Variants in PTPRR observed in about 807,000 individuals in gnomAD.
PTPRR encodes protein tyrosine phosphatase receptor type R.
A neutral mutation model predicts 77.2 loss-of-function variants in PTPRR; 38 were observed. The ratio of observed to expected loss-of-function variants is 0.49; its 90% CI spans 0.38 to 0.65. The LOEUF is 0.65. PTPRR is among the 30% of genes least tolerant of loss of function. The pLI is 0.00. For synonymous variants in PTPRR, 299 were observed against 283.1 expected (o/e 1.06, Z -0.57); for missense variants, 744 against 799.2 (o/e 0.93, Z 0.83).
In PTPRR at chr12:70,877,345, C is replaced by A. The variant is rs914584862; in HGVS notation, c.357+15334G>T. Among the ~76,000 whole-genome samples the A allele has an allele frequency of 2.0e-4, 31 of 152,148 alleles. 1 individual carries two copies. The highest frequency in any genetic ancestry group is 1.3e-4 in the Non-Finnish European group (9 of 68,036). ...GAGTAGATCAGCAACAGAATGAAAA[C>A]CCTGTCAATTATCATCATGGTCATC... is the stretch of plus-strand genomic sequence containing the variant. On this transcript the variant is annotated intron_variant, in intron 2 of 13. Coordinates refer to ENST00000283228, the MANE Select transcript of PTPRR (RefSeq NM_002849.4).
At chr12:70,842,622 G>A (rs879226333) in intron 2 of PTPRR, among the ~76,000 whole-genome samples, 59 of 152,142 alleles carry the variant, frequency 3.9e-4, no homozygotes, top group Admixed American at 7.9e-4. Flanking sequence ...TGGTCACATT[G>A]CCTCCTTCTT....
chr12:70,830,968 T>C (rs528529409), intron 2 of PTPRR, among the ~76,000 whole-genome samples: 1 of 152,362 alleles, frequency 6.6e-6, no homozygotes, highest in South Asian at 2.1e-4. Context: ...TATACAGTGT[T>C]GATAATAGCC....
At chr12:70,714,111 T>C (rs879168012) in intron 6 of PTPRR, among the ~76,000 whole-genome samples, 2 of 152,130 alleles carry the variant, frequency 1.3e-5, no homozygotes, top group Admixed American at 1.3e-4. Flanking sequence ...TCTGTGGTCT[T>C]CATGACTGTG....
At chr12:70,789,955 A>G (rs1041361488) in intron 2 of PTPRR, among the ~76,000 whole-genome samples, 2 of 152,220 alleles carry the variant, frequency 1.3e-5, no homozygotes, top group Non-Finnish European at 2.9e-5. Flanking sequence ...TCTTTGCAAC[A>G]TAATAGTAAA....
chr12:70,739,881 C>T (rs953674393), intron 6 of PTPRR, among the ~76,000 whole-genome samples: 2 of 151,824 alleles, frequency 1.3e-5, no homozygotes, highest in African/African-American at 4.8e-5. Context: ...GCGCAGCACT[C>T]AGAGGGGGAT....
At chr12:70,656,992 A>G (rs11178349) in intron 12 of PTPRR, among the ~76,000 whole-genome samples, 175 bp from the exon 13 acceptor site, 11,079 of 149,226 alleles carry the variant, frequency 0.074, 471 homozygotes, top group Non-Finnish European at 0.097. Flanking sequence ...ACATTTAATT[A>G]TAAGTAGTAG....
In PTPRR at chr12:70,892,832, G is replaced by C; in HGVS notation, c.204C>G (p.Ser68=). 6.2e-7 allele frequency: 1 copy of C among 1,613,524 alleles called. No individual in the cohort carries two copies. The change falls in exon 2 of 14, where the codon TCC becomes TCG. Residue 68 remains serine, a synonymous_variant. Coordinates refer to ENST00000283228, the MANE Select transcript of PTPRR (RefSeq NM_002849.4). ...PQKIYRHSYH[S]SSEAQVSKRH... ...GTTTGCTTACTTGAGCTTCGGAAGA[G>C]GAATGGTAGCTATGTCTGTAGATTT...
intron 1 of PTPRR, among the ~76,000 whole-genome samples, chr12:70,899,457 TA>T (rs1190584893): frequency 1.3e-5 from 2 of 151,368 alleles, no homozygotes; most frequent in Non-Finnish European, 3.0e-5. Context: ...ACTGAGAGTC[TA>T]AAGAGGAAAA....
intron 9 of PTPRR, 35 bp downstream of exon 9, chr12:70,684,669 A>G: frequency 7.3e-7 from 1 of 1,376,262 alleles, no homozygotes; most frequent in Non-Finnish European, 1.0e-6. Flanking sequence ...CCAAATAGGA[A>G]GTCACCAGAA....
intron 2 of PTPRR, among the ~76,000 whole-genome samples, chr12:70,872,694 CAAAAAAAAA>C (rs377557224): frequency 6.9e-5 from 3 of 43,440 alleles, no homozygotes; most frequent in African/African-American, 1.4e-4. Context: ...GACTCTGTCT[CAAAAAAAAA>C]AAAAAAAAAA....
In PTPRR at chr12:70,662,507, G is replaced by A. The variant is rs111399976; in HGVS notation, c.1596C>T (p.Asn532=). The change falls in exon 11 of 14, where the codon AAC becomes AAT. Residue 532 remains asparagine (N), a synonymous_variant. Coordinates refer to ENST00000283228, the MANE Select transcript of PTPRR (RefSeq NM_002849.4). Reference sequence around the variant, plus strand: ...TACATAATCTTACCTTTAAGACAAGGTTTCGAATGGTGTAGTTATCACATT... The same window carrying A: ...TACATAATCTTACCTTTAAGACAAGATTTCGAATGGTGTAGTTATCACATT... ...VNECDNYTIR[N]LVLKQGSHTQ... The A allele has an allele frequency of 1.3e-6, 2 of 1,593,808 alleles. No individual in the cohort carries two copies. The highest frequency in any genetic ancestry group is 1.7e-6 in the Non-Finnish European group (2 of 1,163,850).
intron 2 of PTPRR, among the ~76,000 whole-genome samples, chr12:70,881,139 A>G (rs984987792): frequency 6.6e-6 from 1 of 152,184 alleles, no homozygotes; most frequent in East Asian, 1.9e-4. Context: ...ACAGAAATGA[A>G]CTTGATGGCT....
chr12:70,874,780 G>C (rs1893020834), intron 2 of PTPRR, among the ~76,000 whole-genome samples: 1 of 151,900 alleles, frequency 6.6e-6, no homozygotes, highest in African/African-American at 2.4e-5. Context: ...AAATTAGCTG[G>C]GCGTGGTGGC....
chr12:70,761,045 A>G (rs1337796088), intron 4 of PTPRR, among the ~76,000 whole-genome samples: 1 of 152,216 alleles, frequency 6.6e-6, no homozygotes, highest in Admixed American at 6.5e-5. Flanking sequence ...GTTATGGGAA[A>G]AGGCGAATAT....
At chr12:70,874,309 A>T (rs1471593195) in intron 2 of PTPRR, among the ~76,000 whole-genome samples, 1 of 152,154 alleles carries the variant, frequency 6.6e-6, no homozygotes, top group Non-Finnish European at 1.5e-5. Context: ...GAGTGGTGGC[A>T]TGGGCAAGGA....
chr12:70,783,994 G>A (rs546857690), intron 2 of PTPRR, among the ~76,000 whole-genome samples: 39 of 152,256 alleles, frequency 2.6e-4, no homozygotes, highest in African/African-American at 9.1e-4. Context: ...GCCCGGAGTA[G>A]GGAGAAGCCC....
chr12:70,884,420 AG>A (rs779907143), intron 2 of PTPRR, among the ~76,000 whole-genome samples: 32 of 152,234 alleles, frequency 2.1e-4, no homozygotes, highest in Middle Eastern at 3.2e-3. Context: ...CATTAACAAA[AG>A]GCATACGGGA....
At chr12:70,827,057 C>G (rs1892121496) in intron 2 of PTPRR, among the ~76,000 whole-genome samples, 1 of 152,228 alleles carries the variant, frequency 6.6e-6, no homozygotes, top group Non-Finnish European at 1.5e-5. Flanking sequence ...CACAGGACAC[C>G]TTTTCTTACA....
At chr12:70,911,576 T>C (rs1351374253) in intron 1 of PTPRR, among the ~76,000 whole-genome samples, 2 of 152,152 alleles carry the variant, frequency 1.3e-5, no homozygotes, top group African/African-American at 4.8e-5. Context: ...TAGAACTTGC[T>C]GAAGACATGA....
Sources: gnomAD v4.1 joint callset for allele counts (sites outside exome capture counted in the v4.1 genomes callset) on GRCh38, gnomAD v4.1.1 for gene constraint, MANE v1.5 for transcripts, NCBI Gene and HGNC (gene_info 2026-07-23, HGNC 2026-07-21) for gene names.